USP37: variants seen among roughly 807,000 people sequenced by gnomAD.
USP37 encodes the protein ubiquitin carboxyl-terminal hydrolase 37.
In USP37, 27 loss-of-function variants were observed where a neutral mutation model predicts 124.0. That is an observed-to-expected ratio of 0.22 (90% CI 0.16 to 0.30). USP37 has a LOEUF of 0.30. USP37 is among the 10% of genes least tolerant of loss of function. The pLI is 1.00. For missense variants in USP37, 889 were observed against 1,140.4 expected (o/e 0.78, Z 3.17); for synonymous variants, 365 against 388.0 (o/e 0.94, Z 0.70).
At chr2:218,537,268 A>C (rs560923055) in intron 8 of USP37, among the ~76,000 whole-genome samples, 3 of 152,336 alleles carry the variant, frequency 2.0e-5, no homozygotes, top group Admixed American at 6.5e-5. Context: ...ATGTGACAGA[A>C]GTTAACAGTG....
At position 218,482,076 on chromosome 2, in the gene USP37, A is replaced by G. The variant is rs769107370; in HGVS notation, c.1829T>C (p.Met610Thr). ...PPFTLGWSAH[M>T]AISRPLKASQ... ...TAGTCTCTCAAGGACTTACATTGCC[A>G]TATGTGCACTCCAACCAAGGGTAAA... Residue 610 changes from methionine (M) to threonine (T), a missense_variant, in exon 17 of 26, where the codon ATG (methionine) becomes ACG (threonine). Around this residue, in one of 3 missense-constraint regions of USP37, gnomAD observed 504 missense variants for 714.3 expected, o/e 0.71. Transcript: ENST00000258399. 2 of 1,610,656 alleles carry G rather than the reference A, an allele frequency of 1.2e-6. No homozygotes were observed. The highest frequency in any genetic ancestry group is 8.5e-7 in the Non-Finnish European group (1 of 1,177,806).
chr2:218,537,784 C>T (rs991280149), intron 8 of USP37, among the ~76,000 whole-genome samples: 2 of 152,148 alleles, frequency 1.3e-5, no homozygotes, highest in Admixed American at 1.3e-4. Context: ...TAGAGTCACC[C>T]ACAGGAGAGT....
chr2:218,462,643 C>T (rs936905504), intron 22 of USP37, among the ~76,000 whole-genome samples: 1 of 152,100 alleles, frequency 6.6e-6, no homozygotes, highest in Non-Finnish European at 1.5e-5. Context: ...GGAGTCGTAA[C>T]AGTGGCAAAA....
At chr2:218,551,778 T>C (rs1300023624) in intron 5 of USP37, among the ~76,000 whole-genome samples, 1 of 151,948 alleles carries the variant, frequency 6.6e-6, no homozygotes. Flanking sequence ...GAATTTTAAA[T>C]AGTATTCAAT....
chr2:218,461,017 A>C (rs184351523), intron 22 of USP37, among the ~76,000 whole-genome samples: 5 of 152,302 alleles, frequency 3.3e-5, no homozygotes, highest in Admixed American at 2.6e-4. Context: ...TTAACTCTTA[A>C]ATTTCACGTA....
chr2:218,514,056 C>G (rs1690143313), intron 10 of USP37, among the ~76,000 whole-genome samples: 1 of 152,016 alleles, frequency 6.6e-6, no homozygotes, highest in South Asian at 2.1e-4. Flanking sequence ...TGAGCTCAAG[C>G]AATCTACCTG....
chr2:218,508,277 C>T (rs530315324), intron 11 of USP37, among the ~76,000 whole-genome samples: 7,215 of 140,374 alleles, frequency 0.051, 482 homozygotes, highest in African/African-American at 0.17. Context: ...GTTTTTTTTT[C>T]TTTTTTTTTT....
chr2:218,451,647 G>A lies in USP37; in HGVS notation c.*3283C>T, dbSNP rs1021620620. On this transcript the variant is annotated 3_prime_UTR_variant, in exon 26 of 26. Coordinates refer to ENST00000258399, the MANE Select transcript of USP37 (RefSeq NM_020935.3). ...GATACAGAAGAATCAGTAAATTCAT[G>A]GATTATTTTGCTGAGGTTTTAAATT... 3.9e-5 allele frequency: 6 copies of A among 152,138 alleles called. No individual in the cohort carries two copies. The highest frequency in any genetic ancestry group is 8.8e-5 in the Non-Finnish European group (6 of 68,008). 9.4% of individuals were successfully genotyped at this position (152,138 alleles called of 1,614,324 possible). A position where few individuals can be genotyped will look rare whatever the true frequency, so the allele number is the denominator to read the frequency against.
At chr2:218,532,858 G>C (rs1275880394) in intron 9 of USP37, among the ~76,000 whole-genome samples, 1 of 151,818 alleles carries the variant, frequency 6.6e-6, no homozygotes, top group Non-Finnish European at 1.5e-5. Context: ...AAGCCCAGGA[G>C]GTCAAGGATG....
intron 23 of USP37, among the ~76,000 whole-genome samples, chr2:218,458,835 G>C (rs1466058551): frequency 1.3e-5 from 2 of 152,038 alleles, no homozygotes; most frequent in Non-Finnish European, 2.9e-5. Flanking sequence ...GGAAGGCTGA[G>C]GCAGGAAAAT....
intron 10 of USP37, among the ~76,000 whole-genome samples, chr2:218,520,079 A>G (rs1013029725): frequency 1.3e-5 from 2 of 151,660 alleles, no homozygotes; most frequent in Non-Finnish European, 2.9e-5. Context: ...CTGCGATTAC[A>G]GGTGTGTGCC....
chr2:218,459,925 A>AATCTTAT lies in USP37; in HGVS notation c.2528-27_2528-21dup, dbSNP rs1324604588. Reference sequence around the variant, plus strand: ...TAAACTCTGAAGAATACAAAGACAAAATCTTATAAAAGTTCTTGGAATAGA... The same window carrying AATCTTAT: ...TAAACTCTGAAGAATACAAAGACAAAATCTTATATCTTATAAAAGTTCTTGGAATAGA... On this transcript the variant is annotated intron_variant, in intron 22 of 25. Coordinates refer to ENST00000258399, the MANE Select transcript of USP37 (RefSeq NM_020935.3). The AATCTTAT allele has an allele frequency of 6.3e-7, 1 of 1,592,228 alleles. No homozygotes were observed. Among genetic ancestry groups the AATCTTAT allele is most frequent in the Non-Finnish European group, 8.6e-7 (1 of 1,162,884 alleles).
At chr2:218,549,744 G>A (rs1386883423) in intron 6 of USP37, 65 bp downstream of exon 6, 7 of 1,489,818 alleles carry the variant, frequency 4.7e-6, no homozygotes, top group East Asian at 2.4e-5. Flanking sequence ...GATTACAGGC[G>A]TGAGCCACTG....
intron 14 of USP37, among the ~76,000 whole-genome samples, chr2:218,492,989 A>G (rs1688875935): frequency 6.6e-6 from 1 of 152,068 alleles, no homozygotes; most frequent in African/African-American, 2.4e-5. Flanking sequence ...CCTGGGTGAC[A>G]GAGCAAGACT....
At chr2:218,554,530 T>G (rs1051496393) in intron 4 of USP37, among the ~76,000 whole-genome samples, 1 of 152,130 alleles carries the variant, frequency 6.6e-6, no homozygotes, top group South Asian at 2.1e-4. Flanking sequence ...GCAGATCACC[T>G]GAGGTCAGGA....
At chr2:218,558,725 A>C in intron 3 of USP37, 48 bp from the exon 4 acceptor site, 4 of 1,357,946 alleles carry the variant, frequency 2.9e-6, no homozygotes, top group Non-Finnish European at 3.0e-6. Context: ...GTTCTAAGGA[A>C]GAAAAATAAG....
chr2:218,488,481 A>C lies in USP37; in HGVS notation c.1473-60T>G, dbSNP rs1238580350. 8 of 1,046,368 alleles carry C rather than the reference A, an allele frequency of 7.6e-6. No homozygotes were observed. In the South Asian group the frequency reaches 1.3e-4, roughly 17 times the overall value. 64.8% of individuals were successfully genotyped at this position (1,046,368 alleles called of 1,614,324 possible). A position where few individuals can be genotyped will look rare whatever the true frequency, so the allele number is the denominator to read the frequency against. ...ACCAATACACAAGAAACACAAATAT[A>C]CCTGAGAAACTCTGTTCTTCCACAG... On this transcript the variant is annotated intron_variant, in intron 14 of 25. Transcript: ENST00000258399.
chr2:218,469,205 C>T (rs1375316586), intron 20 of USP37, among the ~76,000 whole-genome samples: 3 of 152,252 alleles, frequency 2.0e-5, no homozygotes, highest in East Asian at 3.9e-4. Context: ...CAATTAAACA[C>T]ACAAAAAACA....
chr2:218,456,570 G>A (rs1689712420), intron 24 of USP37, among the ~76,000 whole-genome samples: 1 of 152,126 alleles, frequency 6.6e-6, no homozygotes, highest in Non-Finnish European at 1.5e-5. Context: ...TTTTGTTCAG[G>A]GGAATTTAGG....
Sources: gnomAD v4.1 joint callset for allele counts (sites outside exome capture counted in the v4.1 genomes callset) on GRCh38, gnomAD v4.1.1 for gene constraint, gnomAD v4.1.1 regional missense constraint, MANE v1.5 for transcripts, NCBI Gene and HGNC (gene_info 2026-07-23, HGNC 2026-07-21) for gene names.